Variants in TDRD3 observed in about 807,000 individuals in gnomAD.
TDRD3 encodes the protein tudor domain-containing protein 3.
Under a neutral mutation model 86.7 loss-of-function variants are expected in TDRD3, and 45 were observed. The observed-to-expected ratio is 0.52, with a 90% CI of 0.41 to 0.67. TDRD3 has a LOEUF of 0.67. TDRD3 is among the 30% of genes least tolerant of loss of function. The pLI is 0.00. For synonymous variants in TDRD3, 298 were observed against 301.7 expected, an observed-to-expected ratio of 0.99 and a Z score of 0.13; for missense variants, 814 against 889.0, an observed-to-expected ratio of 0.92 and a Z score of 1.07.
At chr13:60,529,888 T>C (rs1483301479) in intron 11 of TDRD3, among the ~76,000 whole-genome samples, 3 of 152,004 alleles carry the variant, frequency 2.0e-5, no homozygotes, top group African/African-American at 2.4e-5. Context: ...ACCCAAGAGA[T>C]AGAAGACCAG....
At chr13:60,474,791 CTCTT>C (rs1215004244) in intron 5 of TDRD3, among the ~76,000 whole-genome samples, 1 of 152,104 alleles carries the variant, frequency 6.6e-6, no homozygotes, top group Non-Finnish European at 1.5e-5. Flanking sequence ...CCGTCCCTCT[CTCTT>C]TTCTTTGGTA....
chr13:60,411,603 CT>C (rs1170395923), intron 1 of TDRD3, among the ~76,000 whole-genome samples: 1 of 150,602 alleles, frequency 6.6e-6, no homozygotes, highest in African/African-American at 2.4e-5. Context: ...TTTGGTTTTT[CT>C]TTTTTTTTGG....
At chr13:60,395,792 T>C (rs1422691796), upstream of TDRD3, among the ~76,000 whole-genome samples, 1 of 152,140 alleles carries the variant, frequency 6.6e-6, no homozygotes, top group Non-Finnish European at 1.5e-5. Context: ...GGCTCCTGTA[T>C]ATGATGGCCG....
rs778913891 is a variant in TDRD3 at position 60,460,431 on chromosome 13, C to T, written c.244C>T (p.Pro82Ser). Reference protein sequence around the residue: ...QIQKIRNVAAPKDNEESQAAP... With the variant: ...QIQKIRNVAASKDNEESQAAP... ...TCAAAAAATTCGCAATGTTGCTGCA[C>T]CAAAGGATAATGAAGAATCTCAGGC... The change falls in exon 4 of 14, where the codon CCA (proline) becomes TCA (serine). Residue 82 changes from proline (P) to serine (S), a missense_variant. Coordinates refer to ENST00000377881, the MANE Select transcript of TDRD3 (RefSeq NM_001146070.2). The T allele has an allele frequency of 1.1e-5, 17 of 1,604,028 alleles. No homozygotes were observed. The Admixed American group carries it at 2.5e-4, about 23-fold the overall frequency.
intron 11 of TDRD3, 123 bp from the exon 12 acceptor site, chr13:60,534,985 A>T: frequency 8.9e-7 from 1 of 1,122,554 alleles, no homozygotes; most frequent in Non-Finnish European, 1.2e-6. Context: ...AGGGTTCCAA[A>T]GGTAAGTTTC....
chr13:60,570,269 C>T (rs537497981), intron 13 of TDRD3, among the ~76,000 whole-genome samples: 1 of 152,188 alleles, frequency 6.6e-6, no homozygotes, highest in African/African-American at 2.4e-5. Flanking sequence ...AGGCATTTCT[C>T]AATAGAAGAC....
intron 3 of TDRD3, among the ~76,000 whole-genome samples, chr13:60,447,067 G>T (rs1041913802): frequency 6.6e-6 from 1 of 152,194 alleles, no homozygotes; most frequent in Non-Finnish European, 1.5e-5. Context: ...GGTATAAAAT[G>T]ATATTTTCTA....
At chr13:60,431,688 C>A (rs1440075641) in intron 1 of TDRD3, among the ~76,000 whole-genome samples, 9 of 50,570 alleles carry the variant, frequency 1.8e-4, no homozygotes, top group Middle Eastern at 0.019. Context: ...AGCAACAAAG[C>A]AAGACTATCT....
intron 6 of TDRD3, among the ~76,000 whole-genome samples, 173 bp downstream of exon 6, chr13:60,484,019 A>T (rs1956374463): frequency 6.6e-6 from 1 of 152,094 alleles, no homozygotes. Context: ...CTGTAGTTAT[A>T]TTGTTGACGT....
At chr13:60,562,340 AG>A (rs1471720177) in intron 12 of TDRD3, among the ~76,000 whole-genome samples, 6 of 152,020 alleles carry the variant, frequency 3.9e-5, no homozygotes, top group Admixed American at 1.3e-4. Flanking sequence ...GCAAAAAAAA[AG>A]AAAAGAAAAG....
intron 8 of TDRD3, among the ~76,000 whole-genome samples, chr13:60,503,987 AAAACC>A (rs1411274876): frequency 1.3e-5 from 2 of 152,246 alleles, no homozygotes; most frequent in African/African-American, 4.8e-5. Context: ...GCATCAGAAG[AAAACC>A]TTGCTGTGCT....
At chr13:60,404,520 C>T (rs1190043123) in intron 1 of TDRD3, among the ~76,000 whole-genome samples, 1 of 151,682 alleles carries the variant, frequency 6.6e-6, no homozygotes, top group East Asian at 1.9e-4. Context: ...CCGTTTTAGC[C>T]GGGATGGTCT....
intron 1 of TDRD3, among the ~76,000 whole-genome samples, chr13:60,434,739 C>T (rs981116915): frequency 1.3e-5 from 2 of 151,986 alleles, no homozygotes; most frequent in Non-Finnish European, 2.9e-5. Flanking sequence ...AAACAAGAAC[C>T]CTCTGGTGTC....
At chr13:60,533,743 G>A (rs1214087895) in intron 11 of TDRD3, among the ~76,000 whole-genome samples, 1 of 152,138 alleles carries the variant, frequency 6.6e-6, no homozygotes, top group South Asian at 2.1e-4. Flanking sequence ...TGTTTTTTGT[G>A]TCCATTTCAC....
Position 60,485,852 on chromosome 13 carries a change from A to G in TDRD3, c.621A>G (p.Thr207=), listed in dbSNP as rs562523196. 86 of 1,610,628 alleles carry G rather than the reference A, an allele frequency of 5.3e-5. No homozygotes were observed. The highest frequency in any genetic ancestry group is 6.3e-5 in the Non-Finnish European group (74 of 1,178,608). Residue 207 remains threonine (T), a synonymous_variant, in exon 7 of 14, where the codon ACA becomes ACG. Coordinates refer to ENST00000377881, the MANE Select transcript of TDRD3 (RefSeq NM_001146070.2). ...VDSRELDRRK[T]LQVTMPVKPT... is the part of the protein sequence containing the mutation. ...GCAGAGAACTTGATCGAAGAAAAAC[A>G]TTGCAAGTTACAATGCCTGTCAAAC...
chr13:60,483,929 C>T, intron 6 of TDRD3, 83 bp downstream of exon 6: 1 of 1,318,548 alleles, frequency 7.6e-7, no homozygotes, highest in South Asian at 1.2e-5. Flanking sequence ...TCATTATGTG[C>T]TGAACTATTA....
At chr13:60,415,163 T>C (rs1434091030) in intron 1 of TDRD3, among the ~76,000 whole-genome samples, 3 of 152,170 alleles carry the variant, frequency 2.0e-5, no homozygotes, top group Admixed American at 1.3e-4. Flanking sequence ...TTTATAACAG[T>C]GTTTAGGGAA....
chr13:60,425,651 T>C (rs1954782324), intron 1 of TDRD3, among the ~76,000 whole-genome samples: 1 of 152,130 alleles, frequency 6.6e-6, no homozygotes, highest in African/African-American at 2.4e-5. Flanking sequence ...ATGTGGTATA[T>C]ACAGTTGATC....
At chr13:60,483,718 G>T (rs1191550180) in intron 5 of TDRD3, 57 bp from the exon 6 acceptor site, 10 of 1,495,012 alleles carry the variant, frequency 6.7e-6, no homozygotes, top group Non-Finnish European at 9.1e-6. Flanking sequence ...CATTATAAAT[G>T]CTGGAAATAT....
Sources: gnomAD v4.1 joint callset for allele counts (sites outside exome capture counted in the v4.1 genomes callset) on GRCh38, gnomAD v4.1.1 for gene constraint, MANE v1.5 for transcripts, NCBI Gene and HGNC (gene_info 2026-07-23, HGNC 2026-07-21) for gene names.